The following PLEKHA7 variants were observed in gnomAD, a reference collection of about 807,000 sequenced individuals.
PLEKHA7 encodes the protein pleckstrin homology domain-containing family A member 7.
PLEKHA7 carries 104 observed loss-of-function variants against 170.0 expected under a neutral mutation model. The observed-to-expected ratio is 0.61, with a 90% CI of 0.52 to 0.72. The LOEUF is 0.72. Ranked by LOEUF, PLEKHA7 falls within the 30% of genes least tolerant of loss-of-function variation. The pLI is 0.00. For missense variants in PLEKHA7, 1,615 were observed against 1,671.7 expected (o/e 0.97, Z 0.59); for synonymous variants, 648 against 660.8 (o/e 0.98, Z 0.30).
rs189783209 is a variant in PLEKHA7 at position 16,946,005 on chromosome 11, A to C, written c.221+67984T>G. 3.9e-3 allele frequency among the ~76,000 whole-genome samples: 592 copies of C among 152,328 alleles called. 4 individuals are homozygous for C. The highest frequency in any genetic ancestry group is 0.012 in the African/African-American group (514 of 41,574). Reference sequence around the variant, plus strand: ...GCCTCAAAATCCCAGCCTGCTCATGAGGGAGCCACAGACACAAACAGGCAA... The same window carrying C: ...GCCTCAAAATCCCAGCCTGCTCATGCGGGAGCCACAGACACAAACAGGCAA... On this transcript the variant is annotated intron_variant, in intron 3 of 26. Coordinates refer to ENST00000531066, the MANE Select transcript of PLEKHA7 (RefSeq NM_001329630.2).
Position 16,800,859 on chromosome 11 carries a change from G to A in PLEKHA7, c.2409+115C>T, listed in dbSNP as rs762865858. 7 of 851,124 alleles carry A rather than the reference G, an allele frequency of 8.2e-6. No homozygotes were observed. In the Admixed American group the frequency reaches 1.5e-4, roughly 18 times the overall value. 52.7% of individuals were successfully genotyped at this position (851,124 alleles called of 1,614,324 possible). The stretch of plus-strand genomic sequence containing the variant: ...CAGGGGTGGAGCATCTGGGGCTGAG[G>A]GGGAGAAGGACTCTGAGCAGTGCTC... On this transcript the variant is annotated intron_variant, in intron 17 of 26. Coordinates refer to ENST00000531066, the MANE Select transcript of PLEKHA7 (RefSeq NM_001329630.2).
intron 3 of PLEKHA7, among the ~76,000 whole-genome samples, chr11:16,890,137 TAAATGCTC>T (rs1856517591): frequency 6.6e-6 from 1 of 152,030 alleles, no homozygotes; most frequent in South Asian, 2.1e-4. Flanking sequence ...GCCCCTACAA[TAAATGCTC>T]AAAGGAATTC....
chr11:16,781,847 T>C (rs934760527), intron 26 of PLEKHA7, among the ~76,000 whole-genome samples: 3 of 152,076 alleles, frequency 2.0e-5, no homozygotes, highest in African/African-American at 4.8e-5. Context: ...GTTGGAGAAT[T>C]GGTAGGGGCC....
chr11:16,985,118 C>A (rs1248647394), intron 3 of PLEKHA7, among the ~76,000 whole-genome samples: 1 of 152,252 alleles, frequency 6.6e-6, no homozygotes, highest in African/African-American at 2.4e-5. Context: ...AGGAAGGAAG[C>A]CTTCAGAAGC....
intron 9 of PLEKHA7, among the ~76,000 whole-genome samples, chr11:16,830,937 G>A (rs1851054808): frequency 6.6e-6 from 1 of 152,180 alleles, no homozygotes; most frequent in Non-Finnish European, 1.5e-5. Context: ...ATGTACATGA[G>A]TATATACACT....
chr11:16,869,823 T>C (rs774546950), intron 4 of PLEKHA7, among the ~76,000 whole-genome samples: 2 of 151,430 alleles, frequency 1.3e-5, no homozygotes, highest in Non-Finnish European at 3.0e-5. Context: ...GGGAGGGAAA[T>C]GCTGTAAAAA....
chr11:16,951,716 T>A (rs971790858), intron 3 of PLEKHA7, among the ~76,000 whole-genome samples: 1 of 152,220 alleles, frequency 6.6e-6, no homozygotes, highest in African/African-American at 2.4e-5. Flanking sequence ...TAGTAACTTG[T>A]CAGTTTTAAT....
At chr11:16,960,158 G>A (rs1861962059) in intron 3 of PLEKHA7, among the ~76,000 whole-genome samples, 1 of 152,122 alleles carries the variant, frequency 6.6e-6, no homozygotes, top group Admixed American at 6.5e-5. Flanking sequence ...TTCCTTTCAG[G>A]GGCCCCCTTC....
chr11:16,971,118 C>T (rs552919619), intron 3 of PLEKHA7, among the ~76,000 whole-genome samples: 8 of 152,260 alleles, frequency 5.3e-5, no homozygotes, highest in South Asian at 4.1e-4. Context: ...CAGAAACAGA[C>T]GAGTATCACA....
chr11:16,878,014 G>A (rs1224383704), intron 3 of PLEKHA7, among the ~76,000 whole-genome samples: 1 of 152,178 alleles, frequency 6.6e-6, no homozygotes, highest in African/African-American at 2.4e-5. Context: ...AACAGGGCAA[G>A]AATAGAATGA....
At chr11:16,862,109 T>C (rs920877464) in intron 4 of PLEKHA7, among the ~76,000 whole-genome samples, 3 of 152,172 alleles carry the variant, frequency 2.0e-5, no homozygotes, top group East Asian at 1.9e-4. Flanking sequence ...ATTCAGCAAC[T>C]GTGGTCTCAC....
chr11:16,842,604 A>G (rs958959716), intron 8 of PLEKHA7: 2 of 151,834 alleles, frequency 1.3e-5, no homozygotes, highest in Non-Finnish European at 2.9e-5. Context: ...CAAAAAAAAA[A>G]AAAAAAAAAA....
At position 16,826,598 on chromosome 11, in the gene PLEKHA7, G is replaced by A. The variant is rs774797839; in HGVS notation, c.873-8C>T. ...TCCACCTTCTCCATATCCCTGCAAT[G>A]ACAGCAGCACATTCAGTTTGCTCCA... On this transcript the variant is annotated splice_region_variant and splice_polypyrimidine_tract_variant and intron_variant, in intron 9 of 26. Transcript: ENST00000531066. 4 of 1,606,754 alleles carry A rather than the reference G, an allele frequency of 2.5e-6. No homozygotes were observed. Among genetic ancestry groups the A allele is most frequent in the East Asian group, 4.5e-5 (2 of 44,872 alleles).
intron 3 of PLEKHA7, among the ~76,000 whole-genome samples, chr11:16,958,496 T>A (rs1590719527): frequency 6.6e-6 from 1 of 152,176 alleles, no homozygotes. Context: ...ACTGGCAGCG[T>A]AGACATGCAA....
At chr11:16,780,020 G>A (rs181376386) in intron 26 of PLEKHA7, among the ~76,000 whole-genome samples, 2 of 151,186 alleles carry the variant, frequency 1.3e-5, no homozygotes, top group East Asian at 2.0e-4. Flanking sequence ...TGTGTGGATC[G>A]AAAGAGATAC....
chr11:16,880,058 G>A (rs1195422439), intron 3 of PLEKHA7, among the ~76,000 whole-genome samples: 1 of 152,198 alleles, frequency 6.6e-6, no homozygotes, highest in African/African-American at 2.4e-5. Context: ...CAAACTCAGA[G>A]AGCCCTTTCC....
At chr11:17,007,866 C>G (rs12288625) in intron 3 of PLEKHA7, among the ~76,000 whole-genome samples, 95,629 of 152,076 alleles carry the variant, frequency 0.63, 30,778 homozygotes, top group East Asian at 0.96. Context: ...TGAACCACCA[C>G]GCCCGGCCTA....
chr11:16,954,351 A>G (rs913086918), intron 3 of PLEKHA7, among the ~76,000 whole-genome samples: 3 of 151,998 alleles, frequency 2.0e-5, no homozygotes, highest in Non-Finnish European at 4.4e-5. Context: ...CTCCATCTCT[A>G]CAAAAACAAC....
chr11:16,974,555 A>G lies in PLEKHA7; in HGVS notation c.221+39434T>C. 2 of 367,232 alleles carry G rather than the reference A, an allele frequency of 5.4e-6. 1 individual carries two copies. The highest frequency in any genetic ancestry group is 8.9e-6 in the Non-Finnish European group (2 of 224,250). The allele number at this position is 367,232 out of a possible 1,614,324, so 22.7% of individuals were successfully genotyped here. ...TAACATGTTATATTACAATAGTGCA[A>G]TTGTCAAAAACAGAAAAACTGACAT... On this transcript the variant is annotated intron_variant, in intron 3 of 26. Coordinates refer to ENST00000531066, the MANE Select transcript of PLEKHA7 (RefSeq NM_001329630.2).
Sources: allele counts gnomAD v4.1 joint callset (sites outside exome capture counted in the v4.1 genomes callset), GRCh38; gene constraint gnomAD v4.1.1; transcripts MANE v1.5; gene names NCBI Gene and HGNC (gene_info 2026-07-23, HGNC 2026-07-21).